KCNIP4: variants seen among roughly 807,000 people sequenced by gnomAD.
The protein encoded by KCNIP4 is Kv channel-interacting protein 4.
A neutral mutation model predicts 34.0 loss-of-function variants in KCNIP4; 12 were observed. That is an observed-to-expected ratio of 0.35 (90% CI 0.23 to 0.57). KCNIP4 has a LOEUF of 0.57. Among genes scored for constraint, KCNIP4 ranks in the 20% least tolerant of loss-of-function variants. The pLI is 0.83. For missense variants in KCNIP4, 238 were observed against 311.7 expected, an observed-to-expected ratio of 0.76 and a Z score of 1.78; for synonymous variants, 124 against 102.2, an observed-to-expected ratio of 1.21 and a Z score of -1.29.
intron 1 of KCNIP4, among the ~76,000 whole-genome samples, chr4:21,149,769 C>G (rs1399130356): frequency 6.6e-6 from 1 of 152,002 alleles, no homozygotes; most frequent in Non-Finnish European, 1.5e-5. Context: ...CGATGAGTTG[C>G]TCTGCATTGG....
intron 1 of KCNIP4, among the ~76,000 whole-genome samples, chr4:21,663,692 G>T (rs1401241843): frequency 6.6e-6 from 1 of 152,048 alleles, no homozygotes; most frequent in Non-Finnish European, 1.5e-5. Flanking sequence ...AACCCAATAA[G>T]CTTCCCTCAG....
At chr4:21,077,424 G>A (rs1395789857) in intron 1 of KCNIP4, among the ~76,000 whole-genome samples, 1 of 152,022 alleles carries the variant, frequency 6.6e-6, no homozygotes, top group Non-Finnish European at 1.5e-5. Context: ...AATAAAAATG[G>A]CTTATTATAA....
intron 3 of KCNIP4, among the ~76,000 whole-genome samples, chr4:20,829,701 T>C (rs1438369814): frequency 6.6e-6 from 1 of 152,198 alleles, no homozygotes; most frequent in African/African-American, 2.4e-5. Context: ...ATCACTAGCT[T>C]GAACCACTGC....
chr4:21,498,343 G>C (rs1472066929), intron 1 of KCNIP4, among the ~76,000 whole-genome samples: 2 of 152,066 alleles, frequency 1.3e-5, no homozygotes, highest in Non-Finnish European at 2.9e-5. Context: ...CCTCACAACA[G>C]CTGAAAGCCT....
At chr4:21,304,083 G>GAC in intron 1 of KCNIP4, 1 of 250,064 alleles carries the variant, frequency 4.0e-6, no homozygotes, top group Non-Finnish European at 5.7e-6. Context: ...GAGAGAGAGA[G>GAC]AGACAGAGAG....
chr4:20,782,315 G>A lies in KCNIP4; in HGVS notation c.289-23425C>T, dbSNP rs566059311. 5.3e-5 allele frequency among the ~76,000 whole-genome samples: 8 copies of A among 152,202 alleles called. No individual in the cohort carries two copies. In the South Asian group the frequency reaches 1.0e-3, roughly 20 times the overall value. ...GGAGGATGGTGGCCCTCTTCTCACA[G>A]CTCCACTAAGTGGTGTCCCAGTAGG... On this transcript the variant is annotated intron_variant, in intron 3 of 8. Transcript: ENST00000382152.
intron 1 of KCNIP4, among the ~76,000 whole-genome samples, chr4:21,833,625 G>A (rs2109308976): frequency 6.6e-6 from 1 of 152,194 alleles, no homozygotes; most frequent in Admixed American, 6.5e-5. Flanking sequence ...TTTGGCTTTT[G>A]TTGCCATTGC....
At chr4:21,440,420 T>G (rs1475094358) in intron 1 of KCNIP4, among the ~76,000 whole-genome samples, 1 of 152,242 alleles carries the variant, frequency 6.6e-6, no homozygotes, top group Non-Finnish European at 1.5e-5. Flanking sequence ...TTTTTCTAAG[T>G]GAACAGCTAT....
chr4:21,839,246 T>C (rs764675903), intron 1 of KCNIP4, among the ~76,000 whole-genome samples: 2 of 152,136 alleles, frequency 1.3e-5, no homozygotes, highest in African/African-American at 2.4e-5. Context: ...TTTTAATAAA[T>C]AGTATTATAT....
chr4:21,537,445 T>C (rs1388635506), intron 1 of KCNIP4, among the ~76,000 whole-genome samples: 1 of 152,072 alleles, frequency 6.6e-6, no homozygotes, highest in Non-Finnish European at 1.5e-5. Context: ...AATCCTTATA[T>C]CTGAAAGTAC....
intron 1 of KCNIP4, among the ~76,000 whole-genome samples, chr4:21,777,403 C>A (rs897347082): frequency 1.3e-5 from 2 of 152,154 alleles, no homozygotes; most frequent in South Asian, 4.1e-4. Context: ...CTGTAATATA[C>A]AATAATCACT....
chr4:21,036,364 G>A (rs573417008), intron 1 of KCNIP4, among the ~76,000 whole-genome samples: 2 of 152,202 alleles, frequency 1.3e-5, no homozygotes, highest in African/African-American at 4.8e-5. Context: ...CACAGGCAAG[G>A]GATATGGAAT....
At chr4:20,842,503 A>G (rs1178989721) in intron 3 of KCNIP4, among the ~76,000 whole-genome samples, 1 of 150,858 alleles carries the variant, frequency 6.6e-6, no homozygotes, top group Non-Finnish European at 1.5e-5. Flanking sequence ...CATCTAACCC[A>G]ATATCTGACT....
intron 1 of KCNIP4, among the ~76,000 whole-genome samples, chr4:21,731,203 G>A (rs984858890): frequency 6.6e-6 from 1 of 151,852 alleles, no homozygotes; most frequent in African/African-American, 2.4e-5. Context: ...GGGTGAGAGA[G>A]GCTGTCCCAC....
At chr4:21,696,817 T>A (rs1375704519) in intron 1 of KCNIP4, among the ~76,000 whole-genome samples, 1 of 152,178 alleles carries the variant, frequency 6.6e-6, no homozygotes, top group African/African-American at 2.4e-5. Context: ...ATGGACATTT[T>A]ACTCTTCAGC....
At chr4:21,277,429 C>A (rs145979478) in intron 1 of KCNIP4, among the ~76,000 whole-genome samples, 1 of 152,060 alleles carries the variant, frequency 6.6e-6, no homozygotes, top group African/African-American at 2.4e-5. Flanking sequence ...ATATTTGATA[C>A]CCTAGGGTAA....
intron 1 of KCNIP4, among the ~76,000 whole-genome samples, chr4:21,544,197 T>C (rs766219331): frequency 2.6e-5 from 4 of 151,938 alleles, no homozygotes; most frequent in Non-Finnish European, 1.5e-5. Context: ...CATTGAAAAA[T>C]AGAGTACCAC....
intron 1 of KCNIP4, among the ~76,000 whole-genome samples, chr4:21,002,552 C>T (rs1461398787): frequency 6.6e-6 from 1 of 152,172 alleles, no homozygotes; most frequent in Non-Finnish European, 1.5e-5. Context: ...GAGAACTCTT[C>T]CTGGCCAATT....
At chr4:20,811,423 G>A (rs1228205956) in intron 3 of KCNIP4, among the ~76,000 whole-genome samples, 1 of 152,062 alleles carries the variant, frequency 6.6e-6, no homozygotes, top group Non-Finnish European at 1.5e-5. Flanking sequence ...TGTGGCCTAG[G>A]AATTTCATTG....
Sources: allele counts gnomAD v4.1 joint callset (sites outside exome capture counted in the v4.1 genomes callset), GRCh38; gene constraint gnomAD v4.1.1; transcripts MANE v1.5; gene names NCBI Gene and HGNC (gene_info 2026-07-23, HGNC 2026-07-21).